Variants in DDX31 observed in about 807,000 individuals in gnomAD.
DDX31 encodes the protein DEAD-box helicase 31.
In DDX31, 70 loss-of-function variants were observed where a neutral mutation model predicts 91.3. The observed-to-expected ratio is 0.77, with a 90% CI of 0.63 to 0.94. The LOEUF is 0.94. Ranked by LOEUF, DDX31 falls within the 40% of genes least tolerant of loss-of-function variation. The probability of loss-of-function intolerance (pLI) is 0.00; values close to 1 mark genes in which losing one functional copy is unlikely to be tolerated. For missense variants in DDX31, 902 were observed against 925.0 expected, an observed-to-expected ratio of 0.98 and a Z score of 0.32; for synonymous variants, 362 against 350.6, an observed-to-expected ratio of 1.03 and a Z score of -0.36.
rs11452408 is a variant in DDX31 at position 132,619,880 on chromosome 9, G to GTT, written c.1714-1441_1714-1440dup. ...GCAGCGCAACTGTCACCTTCCCTGTGTTTTTTTTTTTTTTTAATATGAATG... is the reference window on the plus strand; with the variant it reads ...GCAGCGCAACTGTCACCTTCCCTGTGTTTTTTTTTTTTTTTTTAATATGAATG... On this transcript the variant is annotated intron_variant, in intron 17 of 19. Coordinates refer to ENST00000372159, the MANE Select transcript of DDX31 (RefSeq NM_022779.9). 1.9e-3 allele frequency among the ~76,000 whole-genome samples: 260 copies of GTT among 140,158 alleles called. 1 individual carries two copies. The highest frequency in any genetic ancestry group is 6.0e-3 in the African/African-American group (228 of 38,218). 91.9% of individuals were successfully genotyped at this position (140,158 alleles called of 152,430 possible).
intron 14 of DDX31, among the ~76,000 whole-genome samples, chr9:132,635,880 G>T (rs991535980): frequency 2.6e-5 from 4 of 151,752 alleles, no homozygotes; most frequent in African/African-American, 9.7e-5. Context: ...GGAGGTGGAG[G>T]GTGCAGTGAG....
intron 11 of DDX31, 145 bp from the exon 12 acceptor site, chr9:132,647,203 C>T (rs964180223): frequency 7.3e-5 from 50 of 686,104 alleles, no homozygotes; most frequent in Non-Finnish European, 8.5e-5. Flanking sequence ...AGCACTGATC[C>T]GCCCTAGTGC....
rs534315875 is a variant in DDX31 at position 132,653,000 on chromosome 9, T to C, written c.589-508A>G. 4.1e-4 allele frequency among the ~76,000 whole-genome samples: 62 copies of C among 152,200 alleles called. No homozygotes were observed. In the South Asian group the frequency reaches 0.012, roughly 30 times the overall value. The stretch of plus-strand genomic sequence containing the variant: ...TGGACTAACACACCCACTAACCCCA[T>C]TATTCTAGAATACTGTTCTAGAGGT... On this transcript the variant is annotated intron_variant, in intron 6 of 19. Coordinates refer to ENST00000372159, the MANE Select transcript of DDX31 (RefSeq NM_022779.9).
chr9:132,602,378 GAGAC>G (rs1347251771), intron 19 of DDX31, among the ~76,000 whole-genome samples: 18 of 152,242 alleles, frequency 1.2e-4, no homozygotes, highest in African/African-American at 3.9e-4. Flanking sequence ...GAGAGGAAGT[GAGAC>G]AGGGCAGACA....
chr9:132,646,963 C>T lies in DDX31; in HGVS notation c.1063G>A (p.Val355Ile), dbSNP rs1477685628. 6.2e-7 allele frequency: 1 copy of T among 1,614,094 alleles called. No homozygotes were observed. Among genetic ancestry groups the T allele is most frequent in the Non-Finnish European group, 8.5e-7 (1 of 1,180,042 alleles). ...GCTGGTGGAGGACAGACCTCCTGGA[C>T]CGCTTTGTCCTTTGGGTTCAACTGG... ...HDQLNPKDKA[V>I]QEVCPPPAGD... is the part of the protein sequence containing the mutation. Residue 355 changes from valine (V) to isoleucine (I), a missense_variant, in exon 12 of 20, where the codon GTC becomes ATC. Coordinates refer to ENST00000372159, the MANE Select transcript of DDX31 (RefSeq NM_022779.9).
intron 18 of DDX31, among the ~76,000 whole-genome samples, chr9:132,613,952 T>G (rs1831492895): frequency 6.6e-6 from 1 of 152,210 alleles, no homozygotes; most frequent in Admixed American, 6.5e-5. Flanking sequence ...CACTGCTCTC[T>G]TCACCTCCAA....
Position 132,612,451 on chromosome 9 carries a change from A to G in DDX31, c.1826-196T>C. The G allele has an allele frequency of 2.7e-5, 16 of 601,452 alleles. No individual in the cohort carries two copies. The South Asian group carries it at 3.1e-4, about 12-fold the overall frequency. The allele number at this position is 601,452 out of a possible 1,614,324, so 37.3% of individuals were successfully genotyped here. A position where few individuals can be genotyped will look rare whatever the true frequency, so the allele number is the denominator to read the frequency against. On this transcript the variant is annotated intron_variant, in intron 18 of 19. Coordinates refer to ENST00000372159, the MANE Select transcript of DDX31 (RefSeq NM_022779.9). ...CAATTCCTAAACAACAAAAAGAAAAAAACTACAGGGGGCCACAATTATTAC... is the reference window on the plus strand; with the variant it reads ...CAATTCCTAAACAACAAAAAGAAAAGAACTACAGGGGGCCACAATTATTAC...
chr9:132,612,496 T>C (rs1465084051), intron 18 of DDX31, among the ~76,000 whole-genome samples: 3 of 152,090 alleles, frequency 2.0e-5, no homozygotes, highest in African/African-American at 7.2e-5. Flanking sequence ...CCCGATAAAA[T>C]ATCAGATTTG....
chr9:132,647,368 C>G (rs1269500135), intron 11 of DDX31, among the ~76,000 whole-genome samples: 2 of 152,022 alleles, frequency 1.3e-5, no homozygotes, highest in African/African-American at 4.8e-5. Flanking sequence ...TATGGCAAAT[C>G]TTGGATTTCA....
At chr9:132,632,301 C>A (rs1159720060) in intron 14 of DDX31, among the ~76,000 whole-genome samples, 1 of 147,170 alleles carries the variant, frequency 6.8e-6, no homozygotes, top group Non-Finnish European at 1.5e-5. Context: ...CACACACAGT[C>A]CTGCATACAA....
At position 132,595,555 on chromosome 9, in the gene DDX31, G is replaced by A. The variant is rs1830399669; in HGVS notation, c.1995-443C>T. Among the ~76,000 whole-genome samples, 1 of 152,190 alleles carries A rather than the reference G, an allele frequency of 6.6e-6. No individual in the cohort carries two copies. Among genetic ancestry groups the A allele is most frequent in the Non-Finnish European group, 1.5e-5 (1 of 68,040 alleles). Reference sequence around the variant, plus strand: ...ACTGGCCTCCTCATGGGCTCCTGAGGGCTTCAGGACTCAGCCCTGCGGGAG... The same window carrying A: ...ACTGGCCTCCTCATGGGCTCCTGAGAGCTTCAGGACTCAGCCCTGCGGGAG... On this transcript the variant is annotated intron_variant, in intron 19 of 19. Transcript: ENST00000372159. This position sits in a 1 kb window ranked among gnomAD's most constrained non-coding sequence, Gnocchi z 4.6.
intron 19 of DDX31, among the ~76,000 whole-genome samples, chr9:132,603,876 C>T (rs1395629863): frequency 2.0e-5 from 3 of 152,128 alleles, no homozygotes; most frequent in African/African-American, 2.4e-5. Flanking sequence ...ACTGTGAAAT[C>T]CTCTAATCGC....
chr9:132,644,938 G>C (rs1157420055), intron 13 of DDX31, among the ~76,000 whole-genome samples: 1 of 152,108 alleles, frequency 6.6e-6, no homozygotes, highest in Admixed American at 6.5e-5. Flanking sequence ...GCTTTTCTGG[G>C]CCTCTATTTA....
intron 18 of DDX31, 31 bp from the exon 19 acceptor site, chr9:132,612,286 G>A (rs1831392223): frequency 6.2e-7 from 1 of 1,613,394 alleles, no homozygotes; most frequent in South Asian, 1.1e-5. Flanking sequence ...GAGGGAAGCT[G>A]TCAGGACCGG....
intron 7 of DDX31, 111 bp downstream of exon 7, chr9:132,652,336 GT>G (rs1238753384): frequency 1.6e-6 from 2 of 1,231,102 alleles, no homozygotes; most frequent in Non-Finnish European, 2.3e-6. Context: ...AATGGAACTG[GT>G]GTGCAGTGGC....
chr9:132,663,830 T>C (rs1291828553), intron 1 of DDX31, among the ~76,000 whole-genome samples: 2 of 152,250 alleles, frequency 1.3e-5, no homozygotes, highest in African/African-American at 2.4e-5. Flanking sequence ...ATATTCCATC[T>C]TACAAATTTA....
chr9:132,637,898 C>A (rs921803132), intron 14 of DDX31: 1 of 991,072 alleles, frequency 1.0e-6, no homozygotes, highest in Non-Finnish European at 1.2e-6. Flanking sequence ...GGACACAGAA[C>A]TGACATTGTG....
chr9:132,609,576 G>A (rs1831210098), intron 19 of DDX31, among the ~76,000 whole-genome samples: 1 of 152,146 alleles, frequency 6.6e-6, no homozygotes, highest in African/African-American at 2.4e-5. Flanking sequence ...GAAATCTTGG[G>A]ATTGCATTTA....
At chr9:132,646,303 A>G (rs1398777083) in intron 12 of DDX31, among the ~76,000 whole-genome samples, 4 of 152,190 alleles carry the variant, frequency 2.6e-5, no homozygotes, top group Admixed American at 2.6e-4. Context: ...TTATCTGACA[A>G]AAATAAACAC....
Sources: allele counts gnomAD v4.1 joint callset (sites outside exome capture counted in the v4.1 genomes callset), GRCh38; gene constraint gnomAD v4.1.1; non-coding constraint Gnocchi (gnomAD v3.1); transcripts MANE v1.5; gene names NCBI Gene and HGNC (gene_info 2026-07-23, HGNC 2026-07-21).